The following HUNK variants were observed in gnomAD, a reference collection of about 807,000 sequenced individuals.
HUNK encodes hormonally up-regulated Neu-associated kinase.
In HUNK, 21 loss-of-function variants were observed where a neutral mutation model predicts 61.0. That is an observed-to-expected ratio of 0.34 (90% confidence interval 0.24 to 0.50). The LOEUF is 0.50. HUNK is among the 20% of genes least tolerant of loss of function. The probability of loss-of-function intolerance (pLI) is 0.98; values close to 1 mark genes in which losing one functional copy is unlikely to be tolerated. For synonymous variants in HUNK, 371 were observed against 386.1 expected (o/e 0.96, Z 0.46); for missense variants, 772 against 945.7 (o/e 0.82, Z 2.41).
At chr21:31,892,565 C>T (rs1277556297) in intron 1 of HUNK, among the ~76,000 whole-genome samples, 20 of 91,340 alleles carry the variant, frequency 2.2e-4, no homozygotes, top group Non-Finnish European at 2.0e-5. Flanking sequence ...GCCAGACTCT[C>T]TCTGAAAAAA....
At chr21:31,911,418 G>A (rs1178398770) in intron 1 of HUNK, among the ~76,000 whole-genome samples, 1 of 152,202 alleles carries the variant, frequency 6.6e-6, no homozygotes, top group East Asian at 1.9e-4. Context: ...CTTAGAGGTT[G>A]AGGGAGTGCT....
In HUNK at chr21:31,999,317, C is replaced by T. The variant is rs1601417179; in HGVS notation, c.*133C>T. 4.8e-6 allele frequency: 4 copies of T among 831,444 alleles called. No individual in the cohort carries two copies. The highest frequency in any genetic ancestry group is 7.5e-6 in the Non-Finnish European group (4 of 535,980). The allele number at this position is 831,444 out of a possible 1,614,324, so 51.5% of individuals were successfully genotyped here. The stretch of plus-strand genomic sequence containing the variant: ...TCCCACCTGTAGCTGAATCCACAGA[C>T]CCAAAGCCTGCACAACCCAACCTCG... On this transcript the variant is annotated 3_prime_UTR_variant, in exon 11 of 11. Transcript: ENST00000270112.
chr21:31,903,951 C>T (rs2052487467), intron 1 of HUNK, among the ~76,000 whole-genome samples: 1 of 152,158 alleles, frequency 6.6e-6, no homozygotes, highest in Non-Finnish European at 1.5e-5. Flanking sequence ...ACTCTTCAGT[C>T]GTGATGCTGT....
At chr21:31,880,676 A>G (rs561008236) in intron 1 of HUNK, among the ~76,000 whole-genome samples, 7 of 152,186 alleles carry the variant, frequency 4.6e-5, no homozygotes, top group South Asian at 2.1e-4. Context: ...CAAAGTCCCT[A>G]TTTTCAAAGA....
chr21:31,876,703 C>G (rs1255015554), intron 1 of HUNK, among the ~76,000 whole-genome samples: 1 of 152,196 alleles, frequency 6.6e-6, no homozygotes, highest in African/African-American at 2.4e-5. Flanking sequence ...CTCCAGTGTC[C>G]CCCACTGTGG....
chr21:31,882,710 A>G (rs1305158552), intron 1 of HUNK, among the ~76,000 whole-genome samples: 2 of 152,198 alleles, frequency 1.3e-5, no homozygotes, highest in African/African-American at 4.8e-5. Flanking sequence ...TATACAAAGT[A>G]TTGCTACTAA....
intron 7 of HUNK, among the ~76,000 whole-genome samples, chr21:31,978,914 A>T (rs928612214): frequency 6.6e-6 from 1 of 152,152 alleles, no homozygotes; most frequent in Non-Finnish European, 1.5e-5. Context: ...ACTGATTTCC[A>T]TAATGGTTGT....
At chr21:31,983,783 C>G (rs1489287108) in intron 8 of HUNK, among the ~76,000 whole-genome samples, 174 bp downstream of exon 8, 1 of 152,194 alleles carries the variant, frequency 6.6e-6, no homozygotes, top group African/African-American at 2.4e-5. Context: ...TTTGCGGTGT[C>G]TAAACCATGG....
In HUNK at chr21:31,924,409, C is replaced by T; in HGVS notation, c.262-59C>T. 1 of 1,511,768 alleles carries T rather than the reference C, an allele frequency of 6.6e-7. No individual in the cohort carries two copies. Among genetic ancestry groups the T allele is most frequent in the South Asian group, 1.3e-5 (1 of 77,782 alleles). The allele number at this position is 1,511,768 out of a possible 1,614,324, so 93.6% of individuals were successfully genotyped here. A position where few individuals can be genotyped will look rare whatever the true frequency, so the allele number is the denominator to read the frequency against. On this transcript the variant is annotated intron_variant, in intron 1 of 10. Transcript: ENST00000270112. The surrounding 1 kb of genome is among the most constrained non-coding windows in gnomAD (Gnocchi z 5.1). ...TTTTTCTTGGGTTCCTGTGAGTAGC[C>T]AAGGCATCGCTATTGTCTGTAATGT...
chr21:31,979,108 C>CTTT (rs57678620), intron 7 of HUNK, among the ~76,000 whole-genome samples: 56,505 of 142,032 alleles, frequency 0.4, 11,887 homozygotes, highest in South Asian at 0.49. Context: ...TTGGCCATTT[C>CTTT]TTTTTTTTTT....
Position 31,924,157 on chromosome 21 carries a change from C to T in HUNK, c.262-311C>T, listed in dbSNP as rs747206282. On this transcript the variant is annotated intron_variant, in intron 1 of 10. Coordinates refer to ENST00000270112, the MANE Select transcript of HUNK (RefSeq NM_014586.2). The surrounding 1 kb of genome is among the most constrained non-coding windows in gnomAD (Gnocchi z 5.1). ...CCATCCTGTAGAAAAATAAATTTGA[C>T]ATTAATCCTGCACTGTGCCTTCCAG... is the stretch of plus-strand genomic sequence containing the variant. Among the ~76,000 whole-genome samples, 1 of 152,112 alleles carries T rather than the reference C, an allele frequency of 6.6e-6. No individual in the cohort carries two copies. Among genetic ancestry groups the T allele is most frequent in the Non-Finnish European group, 1.5e-5 (1 of 68,022 alleles).
chr21:31,980,448 C>T (rs1472360027), intron 7 of HUNK, among the ~76,000 whole-genome samples: 1 of 148,450 alleles, frequency 6.7e-6, no homozygotes, highest in Non-Finnish European at 1.5e-5. Flanking sequence ...GCGATCTTGG[C>T]TCACTGCAAC....
intron 1 of HUNK, among the ~76,000 whole-genome samples, chr21:31,921,372 G>A (rs1298272671): frequency 1.3e-5 from 2 of 150,974 alleles, no homozygotes; most frequent in Non-Finnish European, 2.9e-5. Context: ...GTATAGGGAC[G>A]TAGGGAAGGA....
At chr21:31,965,434 A>G (rs377294164) in intron 5 of HUNK, among the ~76,000 whole-genome samples, 2 of 151,956 alleles carry the variant, frequency 1.3e-5, no homozygotes, top group African/African-American at 2.4e-5. Context: ...AAACCTGCAC[A>G]TGTACCCCCG....
intron 4 of HUNK, among the ~76,000 whole-genome samples, chr21:31,946,479 C>T (rs1422688994): frequency 2.0e-5 from 3 of 152,168 alleles, no homozygotes; most frequent in Non-Finnish European, 4.4e-5. Context: ...CCTTAGCTTC[C>T]CATCGCCCTC....
At chr21:31,963,578 GC>G (rs1476640250) in intron 5 of HUNK, among the ~76,000 whole-genome samples, 4 of 152,182 alleles carry the variant, frequency 2.6e-5, no homozygotes, top group Non-Finnish European at 5.9e-5. Flanking sequence ...GCTCACTGCA[GC>G]CTCGGCCTCC....
intron 1 of HUNK, among the ~76,000 whole-genome samples, chr21:31,898,567 G>A (rs1303067092): frequency 2.0e-5 from 3 of 152,026 alleles, no homozygotes; most frequent in African/African-American, 2.4e-5. Context: ...ACGCCCGGCC[G>A]TGGATTTTTT....
chr21:31,941,782 G>T (rs1601389296), intron 3 of HUNK, among the ~76,000 whole-genome samples: 2 of 152,168 alleles, frequency 1.3e-5, no homozygotes, highest in Non-Finnish European at 2.9e-5. Context: ...GGTAGGGAAT[G>T]GAGGAAAGGA....
intron 4 of HUNK, among the ~76,000 whole-genome samples, chr21:31,953,422 T>C (rs997512999): frequency 1.2e-4 from 18 of 152,134 alleles, no homozygotes; most frequent in African/African-American, 3.6e-4. Flanking sequence ...TTAGTAGAGA[T>C]GGGGTTTCTC....
Sources: gnomAD v4.1 joint callset for allele counts (sites outside exome capture counted in the v4.1 genomes callset) on GRCh38, gnomAD v4.1.1 for gene constraint, Gnocchi (gnomAD v3.1) non-coding constraint, MANE v1.5 for transcripts, NCBI Gene and HGNC (gene_info 2026-07-23, HGNC 2026-07-21) for gene names.